KCNQ3: variants seen among roughly 807,000 people sequenced by gnomAD.
KCNQ3 encodes the protein potassium voltage-gated channel subfamily Q member 3.
KCNQ3 carries 30 observed loss-of-function variants against 92.5 expected under a neutral mutation model. The ratio of observed to expected loss-of-function variants is 0.32; its 90% CI spans 0.24 to 0.44. KCNQ3 has a LOEUF of 0.44. Among genes scored for constraint, KCNQ3 ranks in the 20% least tolerant of loss-of-function variants. KCNQ3 has a pLI of 1.00. For synonymous variants in KCNQ3, 450 were observed against 468.8 expected, an observed-to-expected ratio of 0.96 and a Z score of 0.52; for missense variants, 913 against 1,140.3, an observed-to-expected ratio of 0.80 and a Z score of 2.87.
chr8:132,124,134 A>C lies in KCNQ3; in HGVS notation c.*5128T>G, dbSNP rs952810731. 5.9e-5 allele frequency: 9 copies of C among 152,228 alleles called. No homozygotes were observed. Among genetic ancestry groups the C allele is most frequent in the Non-Finnish European group, 1.0e-4 (7 of 68,048 alleles). 9.4% of individuals were successfully genotyped at this position (152,228 alleles called of 1,614,324 possible). A position where few individuals can be genotyped will look rare whatever the true frequency, so the allele number is the denominator to read the frequency against. Reference sequence around the variant, plus strand: ...AGATCCAACATTCCTGCCTCTCTTCATTCCAAGATTCCTTCTGTTCTTTAT... The same window carrying C: ...AGATCCAACATTCCTGCCTCTCTTCCTTCCAAGATTCCTTCTGTTCTTTAT... On this transcript the variant is annotated 3_prime_UTR_variant, in exon 15 of 15. Coordinates refer to ENST00000388996, the MANE Select transcript of KCNQ3 (RefSeq NM_004519.4).
chr8:132,211,851 G>A (rs1321660688), intron 1 of KCNQ3, among the ~76,000 whole-genome samples: 1 of 151,378 alleles, frequency 6.6e-6, no homozygotes, highest in Admixed American at 6.6e-5. Context: ...AACTTGGGAG[G>A]CTGAGGCAGG....
In KCNQ3 at chr8:132,480,455, A is replaced by T; in HGVS notation, c.78T>A (p.Ala26=). 2.3e-6 allele frequency: 3 copies of T among 1,310,234 alleles called. No individual in the cohort carries two copies. Among genetic ancestry groups the T allele is most frequent in the African/African-American group, 3.1e-5 (2 of 65,180 alleles). The allele number at this position is 1,310,234 out of a possible 1,614,324, so 81.2% of individuals were successfully genotyped here. A position where few individuals can be genotyped will look rare whatever the true frequency, so the allele number is the denominator to read the frequency against. ...CCGCCGCGTCCCCTCCGGCTGGGTT[A>T]GCCGCCCCGCCGCCTCCGCCGCCCC... ...GDGGGGGGGA[A]NPAGGDAAAA... Residue 26 remains alanine (A), a synonymous_variant, in exon 1 of 15, where the codon GCT becomes GCA. Coordinates refer to ENST00000388996, the MANE Select transcript of KCNQ3 (RefSeq NM_004519.4).
At chr8:132,328,582 A>G (rs1818132835) in intron 1 of KCNQ3, among the ~76,000 whole-genome samples, 1 of 152,196 alleles carries the variant, frequency 6.6e-6, no homozygotes, top group African/African-American at 2.4e-5. Flanking sequence ...TAGAACACAG[A>G]AAATTATACT....
intron 1 of KCNQ3, among the ~76,000 whole-genome samples, chr8:132,401,539 C>T (rs1820332524): frequency 6.6e-6 from 1 of 152,148 alleles, no homozygotes; most frequent in Non-Finnish European, 1.5e-5. Flanking sequence ...CCACGCCCAG[C>T]TAATTTTTGT....
chr8:132,303,706 C>CAT (rs533671606), intron 1 of KCNQ3, among the ~76,000 whole-genome samples: 3 of 133,216 alleles, frequency 2.3e-5, no homozygotes, highest in Admixed American at 1.5e-4. Context: ...CACACACACA[C>CAT]ATATATATAC....
chr8:132,150,724 C>T (rs1212218942), intron 9 of KCNQ3, among the ~76,000 whole-genome samples: 2 of 151,814 alleles, frequency 1.3e-5, no homozygotes, highest in Non-Finnish European at 2.9e-5. Flanking sequence ...TTCATGGAAC[C>T]CCAGGAATTA....
chr8:132,169,414 T>C (rs1429711965), intron 8 of KCNQ3, among the ~76,000 whole-genome samples: 1 of 152,256 alleles, frequency 6.6e-6, no homozygotes, highest in African/African-American at 2.4e-5. Flanking sequence ...ATATTAATTT[T>C]GCCTTCCCTT....
rs368892862 is a variant in KCNQ3, at chr8:132,130,084, G to GT, written c.1885-89dup. ...TTGGGAGGAAATATTCTTTTTTTTT[G>GT]TTTTTTTTTTTTTTTTGAGACGAAG... On this transcript the variant is annotated intron_variant, in intron 14 of 14. Transcript: ENST00000388996. 272,975 of 1,112,534 alleles carry GT rather than the reference G, an allele frequency of 0.25. 12,924 individuals are homozygous for GT. The highest frequency in any genetic ancestry group is 0.45 in the African/African-American group (25,721 of 57,106). 68.9% of individuals were successfully genotyped at this position (1,112,534 alleles called of 1,614,324 possible).
At chr8:132,290,449 C>T (rs1816806187) in intron 1 of KCNQ3, among the ~76,000 whole-genome samples, 1 of 152,114 alleles carries the variant, frequency 6.6e-6, no homozygotes, top group Non-Finnish European at 1.5e-5. Context: ...TGAGACAAGA[C>T]CCTAACTGTA....
intron 1 of KCNQ3, among the ~76,000 whole-genome samples, chr8:132,353,889 G>A (rs1818943374): frequency 6.6e-6 from 1 of 152,208 alleles, no homozygotes; most frequent in Non-Finnish European, 1.5e-5. Flanking sequence ...ATAGGCAAGA[G>A]AGAACACTGT....
chr8:132,373,141 G>A (rs868499528), intron 1 of KCNQ3, among the ~76,000 whole-genome samples: 55 of 152,100 alleles, frequency 3.6e-4, no homozygotes, highest in African/African-American at 1.2e-3. Flanking sequence ...CTCCTCTTAA[G>A]GCAAGTCATA....
chr8:132,322,512 G>A (rs1817923091), intron 1 of KCNQ3, among the ~76,000 whole-genome samples: 1 of 152,168 alleles, frequency 6.6e-6, no homozygotes, highest in Non-Finnish European at 1.5e-5. Flanking sequence ...TTGAAAAATA[G>A]CCCTCTGGTA....
In KCNQ3 at chr8:132,133,354, C is replaced by CTTTTTT. The variant is rs10673519; in HGVS notation, c.1799+930_1799+935dup. Among the ~76,000 whole-genome samples, 400 of 103,452 alleles carry CTTTTTT rather than the reference C, an allele frequency of 3.9e-3. 16 individuals carry two copies. Among genetic ancestry groups the CTTTTTT allele is most frequent in the Middle Eastern group, 0.01 (1 of 98 alleles). 67.9% of individuals were successfully genotyped at this position (103,452 alleles called of 152,430 possible). A position where few individuals can be genotyped will look rare whatever the true frequency, so the allele number is the denominator to read the frequency against. On this transcript the variant is annotated intron_variant, in intron 13 of 14. Coordinates refer to ENST00000388996, the MANE Select transcript of KCNQ3 (RefSeq NM_004519.4). ...TATCATCACGTTAATGCTCTCGATT[C>CTTTTTT]TTTTTTTTTTTTTTTTTTTTGAGAT...
At chr8:132,472,122 G>A (rs1255051168) in intron 1 of KCNQ3, among the ~76,000 whole-genome samples, 2 of 152,108 alleles carry the variant, frequency 1.3e-5, no homozygotes, top group Admixed American at 1.3e-4. Flanking sequence ...AGATGCTGAT[G>A]GGGATTCTGA....
At chr8:132,180,440 TG>T in intron 3 of KCNQ3, 111 bp from the exon 4 acceptor site, 1 of 1,135,444 alleles carries the variant, frequency 8.8e-7, no homozygotes, top group Non-Finnish European at 1.3e-6. Context: ...TGCCAAGCAG[TG>T]GGACAATCTG....
At chr8:132,234,412 T>C (rs1475953044) in intron 1 of KCNQ3, among the ~76,000 whole-genome samples, 1 of 147,258 alleles carries the variant, frequency 6.8e-6, no homozygotes, top group Non-Finnish European at 1.5e-5. Context: ...CTTTCCAAAT[T>C]TGGGAAATTG....
intron 1 of KCNQ3, among the ~76,000 whole-genome samples, chr8:132,304,897 T>C (rs1353496802): frequency 6.6e-6 from 1 of 152,064 alleles, no homozygotes; most frequent in African/African-American, 2.4e-5. Context: ...GAGACACAGA[T>C]AACAAAGAAT....
intron 1 of KCNQ3, among the ~76,000 whole-genome samples, chr8:132,275,228 T>C (rs1489234199): frequency 6.6e-6 from 1 of 151,812 alleles, no homozygotes; most frequent in Non-Finnish European, 1.5e-5. Context: ...ATCTAGGAAA[T>C]GAGGGAACTA....
At chr8:132,186,933 T>TGAGAGAGA (rs1206881344) in intron 1 of KCNQ3, among the ~76,000 whole-genome samples, 1 of 106,494 alleles carries the variant, frequency 9.4e-6, no homozygotes, top group African/African-American at 4.0e-5. Context: ...TGTGTGTGTG[T>TGAGAGAGA]GAGAGAGAGA....
Sources: allele counts gnomAD v4.1 joint callset (sites outside exome capture counted in the v4.1 genomes callset), GRCh38; gene constraint gnomAD v4.1.1; transcripts MANE v1.5; gene names NCBI Gene and HGNC (gene_info 2026-07-23, HGNC 2026-07-21).